Variants in CFAP46 observed in about 807,000 individuals in gnomAD.
CFAP46 encodes the protein cilia and flagella associated protein 46.
CFAP46 carries 245 observed loss-of-function variants against 325.7 expected under a neutral mutation model. The ratio of observed to expected loss-of-function variants is 0.75; its 90% CI spans 0.68 to 0.84. The LOEUF (loss-of-function observed/expected upper bound fraction) is 0.84, where lower values mean the gene tolerates loss of function less well. Ranked by LOEUF, CFAP46 falls within the 40% of genes least tolerant of loss-of-function variation. The probability of loss-of-function intolerance (pLI) is 0.00; values close to 1 mark genes in which losing one functional copy is unlikely to be tolerated. For synonymous variants in CFAP46, 1,523 were observed against 1,495.9 expected, an observed-to-expected ratio of 1.02 and a Z score of -0.42; for missense variants, 3,346 against 3,543.0, an observed-to-expected ratio of 0.94 and a Z score of 1.41.
intron 22 of CFAP46, among the ~76,000 whole-genome samples, chr10:132,906,522 G>A (rs942388847): frequency 3.0e-5 from 4 of 131,308 alleles, no homozygotes; most frequent in Non-Finnish European, 6.6e-5. Flanking sequence ...CCCCATCCTG[G>A]GCACTGAGAA....
At chr10:132,881,263 C>G (rs79654115) in intron 27 of CFAP46, among the ~76,000 whole-genome samples, 3 of 152,106 alleles carry the variant, frequency 2.0e-5, no homozygotes, top group African/African-American at 7.2e-5. Context: ...TGCAGCTTGG[C>G]GAATTCCTTC....
In CFAP46 at chr10:132,898,223, C is replaced by G. The variant is rs189838245; in HGVS notation, c.3219+736G>C. 2.6e-5 allele frequency among the ~76,000 whole-genome samples: 4 copies of G among 152,352 alleles called. No homozygotes were observed. In the East Asian group the frequency reaches 7.7e-4, roughly 29 times the overall value. On this transcript the variant is annotated intron_variant, in intron 24 of 57. Transcript: ENST00000368586. ...AGCGGGATGCCTCCCCATCTCCCAG[C>G]AGGGAGCTGCATCCACAGACCTGTG...
chr10:132,925,399 G>GC (rs1849795328), intron 10 of CFAP46, among the ~76,000 whole-genome samples: 2 of 152,248 alleles, frequency 1.3e-5, no homozygotes, highest in African/African-American at 4.8e-5. Flanking sequence ...CCCTCACGCT[G>GC]CCCCTGGGCT....
At chr10:132,824,008 GT>G (rs1325776906) in intron 50 of CFAP46, among the ~76,000 whole-genome samples, 2 of 61,618 alleles carry the variant, frequency 3.2e-5, no homozygotes, top group Admixed American at 3.5e-4. Flanking sequence ...TGTGCTGTGT[GT>G]GTGCTGTGTG....
intron 15 of CFAP46, 110 bp from the exon 16 acceptor site, chr10:132,918,630 T>C: frequency 7.4e-7 from 1 of 1,357,228 alleles, no homozygotes; most frequent in Non-Finnish European, 9.6e-7. Flanking sequence ...CAGCTCCGTG[T>C]AGGGTCCGCC....
chr10:132,868,087 A>G (rs1158333077), intron 33 of CFAP46, among the ~76,000 whole-genome samples: 1 of 152,142 alleles, frequency 6.6e-6, no homozygotes, highest in Non-Finnish European at 1.5e-5. Flanking sequence ...GCCCAGCCCC[A>G]GGGCGTTTTC....
At chr10:132,858,934 C>T in intron 38 of CFAP46, 137 bp downstream of exon 38, 2 of 858,572 alleles carry the variant, frequency 2.3e-6, no homozygotes, top group South Asian at 3.6e-5. Flanking sequence ...CAGCCGAGAG[C>T]TTCCCAGGGG....
rs115818272 is a variant in CFAP46, at chr10:132,890,744, G to A, written c.3304+1589C>T. Reference sequence around the variant, plus strand: ...GCTGCAGCCTAGCCTCTCAGTGGACGGACTTGCCGTGTGCGTCGGGCTCAT... The same window carrying A: ...GCTGCAGCCTAGCCTCTCAGTGGACAGACTTGCCGTGTGCGTCGGGCTCAT... On this transcript the variant is annotated intron_variant, in intron 25 of 57. Transcript: ENST00000368586. Among the ~76,000 whole-genome samples the A allele has an allele frequency of 6.2e-3, 942 of 152,246 alleles. 14 individuals are homozygous for A. The highest frequency in any genetic ancestry group is 0.022 in the African/African-American group (894 of 41,536).
At chr10:132,914,092 C>T (rs1263937732) in intron 17 of CFAP46, among the ~76,000 whole-genome samples, 7 of 119,138 alleles carry the variant, frequency 5.9e-5, no homozygotes, top group East Asian at 5.2e-4. Flanking sequence ...CACTGCACCC[C>T]GGCCCGAGGC....
intron 7 of CFAP46, among the ~76,000 whole-genome samples, chr10:132,935,994 C>A (rs1294225640): frequency 3.7e-5 from 2 of 54,586 alleles, no homozygotes; most frequent in Non-Finnish European, 7.5e-5. Context: ...ACACTGTGAT[C>A]TCCTCACTCC....
At chr10:132,940,135 A>T (rs1045046068) in intron 4 of CFAP46, among the ~76,000 whole-genome samples, 2 of 152,056 alleles carry the variant, frequency 1.3e-5, no homozygotes, top group African/African-American at 4.8e-5. Flanking sequence ...TGCAGAGAGG[A>T]TCTGTGGGGC....
Position 132,838,718 on chromosome 10 carries a change from G to A in CFAP46, c.6439-1804C>T, listed in dbSNP as rs933687040. Among the ~76,000 whole-genome samples, 10 of 152,398 alleles carry A rather than the reference G, an allele frequency of 6.6e-5. No homozygotes were observed. In the East Asian group the frequency reaches 9.6e-4, roughly 15 times the overall value. Reference sequence around the variant, plus strand: ...GATGCTGCTCTCTGGGGACCCCAGCGAAGGATTTCTACCGGGCGCAGAGTC... The same window carrying A: ...GATGCTGCTCTCTGGGGACCCCAGCAAAGGATTTCTACCGGGCGCAGAGTC... On this transcript the variant is annotated intron_variant, in intron 44 of 57. Transcript: ENST00000368586.
At chr10:132,837,033 C>G (rs932429516) in intron 44 of CFAP46, 119 bp from the exon 45 acceptor site, 2 of 769,152 alleles carry the variant, frequency 2.6e-6, no homozygotes, top group Non-Finnish European at 2.2e-6. Flanking sequence ...TTGTACCCTT[C>G]CTGCCCGAGG....
intron 44 of CFAP46, among the ~76,000 whole-genome samples, chr10:132,841,814 TCCCCAGCAGGC>T (rs556221099): frequency 6.6e-6 from 1 of 152,238 alleles, no homozygotes; most frequent in East Asian, 1.9e-4. Context: ...GGGAGCATGG[TCCCCAGCAGGC>T]CCTGGGCAGA....
At chr10:132,861,109 G>A in intron 35 of CFAP46, 127 bp from the exon 36 acceptor site, 1 of 928,524 alleles carries the variant, frequency 1.1e-6, no homozygotes, top group Non-Finnish European at 1.6e-6. Flanking sequence ...ACCAGGTGAG[G>A]GGAAGACAGG....
intron 25 of CFAP46, among the ~76,000 whole-genome samples, chr10:132,887,595 CCTTCTTCTCTCCTCTCCTCTCT>C: frequency 1.7e-4 from 2 of 11,970 alleles, no homozygotes; most frequent in African/African-American, 7.2e-4. Flanking sequence ...CTCTCCTCTC[CCTTCTTCTCTCCTCTCCTCTCT>C]CCTCTTCTCT....
At chr10:132,846,853 G>T in intron 43 of CFAP46, 79 bp downstream of exon 43, 3 of 1,481,668 alleles carry the variant, frequency 2.0e-6, no homozygotes, top group Non-Finnish European at 1.8e-6. Context: ...TCCCCCCAAG[G>T]CGAGGGCCCC....
At chr10:132,814,336 C>A (rs1410251237) in intron 53 of CFAP46, 82 bp from the exon 54 acceptor site, 6 of 1,226,346 alleles carry the variant, frequency 4.9e-6, no homozygotes, top group Non-Finnish European at 7.1e-6. Flanking sequence ...GGGGAGGGGT[C>A]ACAGCGAATG....
At position 132,880,118 on chromosome 10, in the gene CFAP46, A is replaced by ATGTGTGTG. The variant is rs142292189; in HGVS notation, c.3800-495_3800-488dup. ...TGCGCACGTGTGTGTGTGTGCATGT[A>ATGTGTGTG]TGTGTGTGTGTGTGTGTGGAGTGGC... On this transcript the variant is annotated intron_variant, in intron 28 of 57. Coordinates refer to ENST00000368586, the MANE Select transcript of CFAP46 (RefSeq NM_001200049.3). 4.0e-4 allele frequency among the ~76,000 whole-genome samples: 61 copies of ATGTGTGTG among 150,638 alleles called. 1 individual carries two copies. The highest frequency in any genetic ancestry group is 1.4e-3 in the African/African-American group (56 of 41,204).
Sources: allele counts gnomAD v4.1 joint callset (sites outside exome capture counted in the v4.1 genomes callset), GRCh38; gene constraint gnomAD v4.1.1; transcripts MANE v1.5; gene names NCBI Gene and HGNC (gene_info 2026-07-23, HGNC 2026-07-21).